Variants in TMEM232 observed in about 807,000 individuals in gnomAD.
The protein encoded by TMEM232 is transmembrane protein 232.
TMEM232 carries 80 observed loss-of-function variants against 78.8 expected under a neutral mutation model. That is an observed-to-expected ratio of 1.01 (90% confidence interval 0.85 to 1.22). The LOEUF (loss-of-function observed/expected upper bound fraction) is 1.22. Among genes scored for constraint, TMEM232 ranks in the 50% most tolerant of loss-of-function variants. The probability of loss-of-function intolerance (pLI) is 0.00; values close to 1 mark genes in which losing one functional copy is unlikely to be tolerated. For missense variants in TMEM232, 881 were observed against 742.2 expected (o/e 1.19, Z -2.17); for synonymous variants, 297 against 254.3 (o/e 1.17, Z -1.60).
intron 1 of TMEM232, among the ~76,000 whole-genome samples, chr5:110,718,784 T>C (rs1484312260): frequency 1.3e-5 from 2 of 152,116 alleles, no homozygotes; most frequent in Non-Finnish European, 2.9e-5. Context: ...ATTCATTTTT[T>C]TCATTTTGTT....
intron 2 of TMEM232, among the ~76,000 whole-genome samples, chr5:110,732,805 G>C (rs916361599): frequency 1.3e-5 from 2 of 152,096 alleles, no homozygotes; most frequent in African/African-American, 4.8e-5. Context: ...GGAATAAATG[G>C]AACAGTATCT....
At chr5:110,486,293 C>A (rs1386466653) in intron 12 of TMEM232, among the ~76,000 whole-genome samples, 1 of 152,004 alleles carries the variant, frequency 6.6e-6, no homozygotes, top group African/African-American at 2.4e-5. Context: ...CTGACTGTTC[C>A]TTTTGCCATG....
At chr5:110,573,902 G>A (rs1286983401) in intron 10 of TMEM232, among the ~76,000 whole-genome samples, 1 of 152,026 alleles carries the variant, frequency 6.6e-6, no homozygotes, top group Non-Finnish European at 1.5e-5. Context: ...GACACCTGAG[G>A]GTCATGGGAC....
chr5:110,472,565 T>C (rs1387249163), intron 12 of TMEM232, among the ~76,000 whole-genome samples: 15 of 152,064 alleles, frequency 9.9e-5, no homozygotes, highest in Admixed American at 9.2e-4. Flanking sequence ...AAAATTTTTA[T>C]TGAACCACAA....
chr5:110,463,974 A>G (rs551844699), intron 12 of TMEM232, among the ~76,000 whole-genome samples: 36 of 152,322 alleles, frequency 2.4e-4, no homozygotes, highest in Admixed American at 7.2e-4. Flanking sequence ...CTCATCTTCC[A>G]GGTATTCACA....
At chr5:110,733,476 T>C (rs1462754489) in intron 2 of TMEM232, among the ~76,000 whole-genome samples, 1 of 152,196 alleles carries the variant, frequency 6.6e-6, no homozygotes, top group Non-Finnish European at 1.5e-5. Flanking sequence ...ATATGGTACA[T>C]GTACACCATG....
chr5:110,630,781 G>T (rs1785020889), intron 5 of TMEM232, among the ~76,000 whole-genome samples: 1 of 152,046 alleles, frequency 6.6e-6, no homozygotes, highest in African/African-American at 2.4e-5. Flanking sequence ...AGCAAAATCG[G>T]CTGGGAACAC....
intron 12 of TMEM232, among the ~76,000 whole-genome samples, chr5:110,525,944 T>G (rs1220521376): frequency 3.4e-5 from 5 of 147,366 alleles, no homozygotes; most frequent in African/African-American, 1.3e-4. Flanking sequence ...TCAGGAAAAT[T>G]GTTAAGGGAA....
intron 7 of TMEM232, among the ~76,000 whole-genome samples, chr5:110,622,144 C>A (rs1783831855): frequency 1.3e-5 from 2 of 152,098 alleles, no homozygotes; most frequent in Non-Finnish European, 2.9e-5. Flanking sequence ...GGATAATGCT[C>A]CTAATTTTAA....
At chr5:110,495,041 A>C (rs1450395827) in intron 12 of TMEM232, among the ~76,000 whole-genome samples, 1 of 151,560 alleles carries the variant, frequency 6.6e-6, no homozygotes, top group African/African-American at 2.4e-5. Flanking sequence ...TTTAGTTTTG[A>C]AGTTATATGG....
In TMEM232 at chr5:110,477,380, C is replaced by T. The variant is rs951300391; in HGVS notation, c.1703+51208G>A. On this transcript the variant is annotated intron_variant, in intron 12 of 13. Transcript: ENST00000455884. Reference sequence around the variant, plus strand: ...CAACTACTATTCATCAATTATTATTCAAAGTAACAAATCTAGTTTTGTAAA... The same window carrying T: ...CAACTACTATTCATCAATTATTATTTAAAGTAACAAATCTAGTTTTGTAAA... Among the ~76,000 whole-genome samples, 3 of 151,892 alleles carry T rather than the reference C, an allele frequency of 2.0e-5. No homozygotes were observed. The East Asian group carries it at 5.8e-4, about 29-fold the overall frequency.
intron 2 of TMEM232, among the ~76,000 whole-genome samples, chr5:110,404,020 C>A (rs1370659163): frequency 6.6e-6 from 1 of 151,846 alleles, no homozygotes; most frequent in Non-Finnish European, 1.5e-5. Flanking sequence ...TCTTAACTTG[C>A]CCCTTTACCA....
chr5:110,539,705 G>A (rs542210196), intron 11 of TMEM232, among the ~76,000 whole-genome samples: 2 of 152,306 alleles, frequency 1.3e-5, no homozygotes, highest in South Asian at 4.1e-4. Context: ...CCAGTACATG[G>A]ATGACCTTCT....
Position 110,640,984 on chromosome 5 carries a change from G to A in TMEM232, c.250C>T (p.Leu84Phe). 6.5e-7 allele frequency: 1 copy of A among 1,527,388 alleles called. No homozygotes were observed. Among genetic ancestry groups the A allele is most frequent in the African/African-American group, 1.4e-5 (1 of 71,998 alleles). The allele number at this position is 1,527,388 out of a possible 1,614,324, so 94.6% of individuals were successfully genotyped here. A position where few individuals can be genotyped will look rare whatever the true frequency, so the allele number is the denominator to read the frequency against. ...TGCCTTCCAGAGCCCAGGGTTTTGAGACCCAATTTTCTCTGTTATGAGGAA... is the reference window on the plus strand; with the variant it reads ...TGCCTTCCAGAGCCCAGGGTTTTGAAACCCAATTTTCTCTGTTATGAGGAA... ...IILRCKRKLGLKTLGSGRHVH... is the reference protein window; with the variant it reads ...IILRCKRKLGFKTLGSGRHVH... The change falls in exon 4 of 14, where the codon CTC becomes TTC. Residue 84 changes from leucine (L) to phenylalanine (F), a missense_variant. Coordinates refer to ENST00000455884, the MANE Select transcript of TMEM232 (RefSeq NM_001039763.4).
chr5:110,732,449 G>C (rs1354682848), intron 2 of TMEM232, among the ~76,000 whole-genome samples: 1 of 152,154 alleles, frequency 6.6e-6, no homozygotes, highest in Non-Finnish European at 1.5e-5. Flanking sequence ...GGTTTAATTG[G>C]ACTTACAGTT....
At chr5:110,630,251 A>G (rs7709527) in intron 5 of TMEM232, among the ~76,000 whole-genome samples, 61,452 of 152,110 alleles carry the variant, frequency 0.4, 17,324 homozygotes, top group African/African-American at 0.8. Context: ...AGTTGAAGAC[A>G]GCTGACTAGA....
chr5:110,649,835 T>C lies in TMEM232; in HGVS notation c.126-7464A>G, dbSNP rs187062492. Among the ~76,000 whole-genome samples, 9 of 152,236 alleles carry C rather than the reference T, an allele frequency of 5.9e-5. No individual in the cohort carries two copies. In the East Asian group the frequency reaches 9.7e-4, roughly 16 times the overall value. On this transcript the variant is annotated intron_variant, in intron 2 of 13. Transcript: ENST00000455884. ...TTATTAAAAAATCAATGTATGGCAA[T>C]ATAGTTATAGTGGTTATGTGCACCA... is the stretch of plus-strand genomic sequence containing the variant.
intron 12 of TMEM232, among the ~76,000 whole-genome samples, chr5:110,473,677 T>C (rs1166920763): frequency 6.6e-6 from 1 of 151,102 alleles, no homozygotes; most frequent in Non-Finnish European, 1.5e-5. Context: ...CAAATAGATA[T>C]CTGCACTCCC....
intron 10 of TMEM232, among the ~76,000 whole-genome samples, chr5:110,600,810 A>G (rs544449652): frequency 2.6e-5 from 4 of 152,334 alleles, no homozygotes; most frequent in Non-Finnish European, 4.4e-5. Flanking sequence ...AACATATTTT[A>G]TGAGGCCAGC....
Sources: gnomAD v4.1 joint callset for allele counts (sites outside exome capture counted in the v4.1 genomes callset) on GRCh38, gnomAD v4.1.1 for gene constraint, MANE v1.5 for transcripts, NCBI Gene and HGNC (gene_info 2026-07-23, HGNC 2026-07-21) for gene names.